The following ERI3 variants were observed in gnomAD, a reference collection of about 807,000 sequenced individuals.
ERI3 encodes ERI1 exoribonuclease family member 3.
ERI3 carries 18 observed loss-of-function variants against 44.4 expected under a neutral mutation model. That is an observed-to-expected ratio of 0.41 (90% CI 0.28 to 0.60). The LOEUF (loss-of-function observed/expected upper bound fraction) is 0.60. ERI3 is among the 20% of genes least tolerant of loss of function. The probability of loss-of-function intolerance (pLI) is 0.36; values close to 1 mark genes in which losing one functional copy is unlikely to be tolerated. For synonymous variants in ERI3, 183 were observed against 164.8 expected, an observed-to-expected ratio of 1.11 and a Z score of -0.84; for missense variants, 294 against 435.5, an observed-to-expected ratio of 0.68 and a Z score of 2.89.
chr1:44,304,011 G>A (rs957501360), intron 6 of ERI3, among the ~76,000 whole-genome samples: 2 of 152,102 alleles, frequency 1.3e-5, no homozygotes, highest in African/African-American at 4.8e-5. Context: ...GGTGTGGATA[G>A]AGAAGGGATA....
intron 7 of ERI3, among the ~76,000 whole-genome samples, chr1:44,272,613 G>A (rs547585802): frequency 5.3e-5 from 8 of 152,134 alleles, no homozygotes; most frequent in Admixed American, 1.3e-4. Context: ...AGGTTGAGGC[G>A]GGTGGATCAC....
intron 2 of ERI3, among the ~76,000 whole-genome samples, chr1:44,342,850 T>TA (rs1646705591): frequency 2.6e-4 from 9 of 34,870 alleles, no homozygotes; most frequent in African/African-American, 1.3e-3. Context: ...TATATATATA[T>TA]ATATATATTT....
In ERI3 at chr1:44,330,122, A is replaced by G. The variant is rs111907542; in HGVS notation, c.489+8923T>C. Among the ~76,000 whole-genome samples, 929 of 152,282 alleles carry G rather than the reference A, an allele frequency of 6.1e-3. 6 individuals carry two copies. Among genetic ancestry groups the G allele is most frequent in the Non-Finnish European group, 9.5e-3 (648 of 68,006 alleles). ...TCCATTCCCATGGACTCTGGCTTAT[A>G]ACATCTATTTCTGTTTCTTCTTTTC... On this transcript the variant is annotated intron_variant, in intron 3 of 8. Coordinates refer to ENST00000372257, the MANE Select transcript of ERI3 (RefSeq NM_024066.3).
intron 3 of ERI3, among the ~76,000 whole-genome samples, chr1:44,338,735 A>C (rs959668089): frequency 6.6e-6 from 1 of 152,204 alleles, no homozygotes; most frequent in Non-Finnish European, 1.5e-5. Flanking sequence ...CCTTAAAGGA[A>C]CAAGTGGCAG....
intron 8 of ERI3, among the ~76,000 whole-genome samples, chr1:44,238,475 C>T (rs896812100): frequency 6.6e-6 from 1 of 152,106 alleles, no homozygotes; most frequent in Non-Finnish European, 1.5e-5. Flanking sequence ...CGGCTCCTTT[C>T]GGTGTATAGG....
intron 8 of ERI3, among the ~76,000 whole-genome samples, chr1:44,226,577 A>G (rs956741596): frequency 1.3e-5 from 2 of 152,050 alleles, no homozygotes; most frequent in African/African-American, 2.4e-5. Context: ...TAGGAAATAG[A>G]ACGAGCAGTC....
intron 7 of ERI3, among the ~76,000 whole-genome samples, chr1:44,259,506 C>T (rs554984972): frequency 6.6e-6 from 1 of 152,268 alleles, no homozygotes; most frequent in East Asian, 1.9e-4. Flanking sequence ...AGGGGCCCTC[C>T]ACTACCACGC....
intron 2 of ERI3, among the ~76,000 whole-genome samples, chr1:44,341,915 C>CA (rs569447772): frequency 6.6e-6 from 1 of 151,326 alleles, no homozygotes; most frequent in Non-Finnish European, 1.5e-5. Context: ...CAAAACAAAA[C>CA]AAAAAAACTT....
At chr1:44,224,384 T>A (rs899329470) in intron 8 of ERI3, among the ~76,000 whole-genome samples, 2 of 152,222 alleles carry the variant, frequency 1.3e-5, no homozygotes, top group Admixed American at 6.5e-5. Context: ...GACTCCAATC[T>A]CAAGGACCCA....
At chr1:44,283,587 G>T (rs766039318) in intron 7 of ERI3, among the ~76,000 whole-genome samples, 2 of 152,216 alleles carry the variant, frequency 1.3e-5, no homozygotes, top group South Asian at 2.1e-4. Context: ...AGCACAAGAG[G>T]AGTAGTAAGC....
At chr1:44,274,720 C>A (rs1645148504) in intron 7 of ERI3, among the ~76,000 whole-genome samples, 1 of 152,094 alleles carries the variant, frequency 6.6e-6, no homozygotes, top group Admixed American at 6.5e-5. Flanking sequence ...GTTCTTGTTT[C>A]AGCTTACAAT....
Position 44,221,097 on chromosome 1 carries a change from G to A in ERI3, c.*461C>T, listed in dbSNP as rs1020016281. The stretch of plus-strand genomic sequence containing the variant: ...GCTTTGCACACACACCCAGTGCCTC[G>A]TTTCCCCGACTTTATTCAGTGGCAC... On this transcript the variant is annotated 3_prime_UTR_variant, in exon 9 of 9. Coordinates refer to ENST00000372257, the MANE Select transcript of ERI3 (RefSeq NM_024066.3). The surrounding 1 kb of genome is among the most constrained non-coding windows in gnomAD (Gnocchi z 5.9). 2 of 266,462 alleles carry A rather than the reference G, an allele frequency of 7.5e-6. No individual in the cohort carries two copies. Among genetic ancestry groups the A allele is most frequent in the East Asian group, 9.6e-5 (1 of 10,436 alleles). The allele number at this position is 266,462 out of a possible 1,614,324, so 16.5% of individuals were successfully genotyped here. A position where few individuals can be genotyped will look rare whatever the true frequency, so the allele number is the denominator to read the frequency against.
At chr1:44,309,258 G>A (rs1645903669) in intron 5 of ERI3, among the ~76,000 whole-genome samples, 1 of 152,120 alleles carries the variant, frequency 6.6e-6, no homozygotes, top group Admixed American at 6.5e-5. Flanking sequence ...ACTTTGGGAG[G>A]CAGATGCAGG....
At chr1:44,274,141 C>T (rs1645137275) in intron 7 of ERI3, among the ~76,000 whole-genome samples, 1 of 152,212 alleles carries the variant, frequency 6.6e-6, no homozygotes, top group South Asian at 2.1e-4. Flanking sequence ...CAGATTATAA[C>T]TCACTCTGGG....
chr1:44,229,232 G>A (rs1026254774), intron 8 of ERI3, among the ~76,000 whole-genome samples: 1 of 152,196 alleles, frequency 6.6e-6, no homozygotes, highest in Non-Finnish European at 1.5e-5. Context: ...GTGGCAGGGA[G>A]AGTGGCTGGT....
At chr1:44,342,854 T>C (rs1324833874) in intron 2 of ERI3, among the ~76,000 whole-genome samples, 1 of 32,262 alleles carries the variant, frequency 3.1e-5, no homozygotes, top group African/African-American at 1.5e-4. Flanking sequence ...TATATATATA[T>C]ATATTTTTTT....
intron 6 of ERI3, among the ~76,000 whole-genome samples, chr1:44,307,293 C>T (rs1479405312): frequency 3.3e-5 from 5 of 152,164 alleles, no homozygotes; most frequent in African/African-American, 4.8e-5. Context: ...AGCATTCAAA[C>T]GGCTTACAAA....
chr1:44,286,009 C>T (rs1295715352), intron 6 of ERI3, among the ~76,000 whole-genome samples: 1 of 152,126 alleles, frequency 6.6e-6, no homozygotes. Flanking sequence ...GATCAAGGAA[C>T]AAACATTAAG....
intron 7 of ERI3, among the ~76,000 whole-genome samples, chr1:44,264,355 C>G (rs749115725): frequency 6.6e-6 from 1 of 152,180 alleles, no homozygotes; most frequent in Non-Finnish European, 1.5e-5. Context: ...CGTTCTGCCC[C>G]CCTCTTGGCG....
Sources: allele counts gnomAD v4.1 joint callset (sites outside exome capture counted in the v4.1 genomes callset), GRCh38; gene constraint gnomAD v4.1.1; non-coding constraint Gnocchi (gnomAD v3.1); transcripts MANE v1.5; gene names NCBI Gene and HGNC (gene_info 2026-07-23, HGNC 2026-07-21).